Variants in MSRB3 observed in about 807,000 individuals in gnomAD.
The protein encoded by MSRB3 is methionine sulfoxide reductase B3, also known as methionine-R-sulfoxide reductase B3.
MSRB3 carries 13 observed loss-of-function variants against 21.0 expected under a neutral mutation model. The observed-to-expected ratio is 0.62, with a 90% CI of 0.40 to 0.98. The LOEUF (loss-of-function observed/expected upper bound fraction) is 0.98, where lower values mean the gene tolerates loss of function less well. Among genes scored for constraint, MSRB3 ranks in the 50% least tolerant of loss-of-function variants. The probability of loss-of-function intolerance (pLI) is 0.00; values close to 1 mark genes in which losing one functional copy is unlikely to be tolerated. For missense variants in MSRB3, 199 were observed against 230.3 expected, an observed-to-expected ratio of 0.86 and a Z score of 0.88; for synonymous variants, 87 against 88.6, an observed-to-expected ratio of 0.98 and a Z score of 0.10.
chr12:65,302,462 T>C (rs557060513), intron 1 of MSRB3, among the ~76,000 whole-genome samples: 2 of 152,326 alleles, frequency 1.3e-5, no homozygotes, highest in East Asian at 3.9e-4. Context: ...GCTAATGTTT[T>C]TTAACAGCAC....
intron 5 of MSRB3, among the ~76,000 whole-genome samples, chr12:65,399,107 A>G (rs545989514): frequency 6.6e-6 from 1 of 152,282 alleles, no homozygotes; most frequent in South Asian, 2.1e-4. Flanking sequence ...TTGGTTCCAT[A>G]TGAAACTTAA....
chr12:65,333,329 A>G (rs908132260), intron 4 of MSRB3, among the ~76,000 whole-genome samples: 1 of 152,220 alleles, frequency 6.6e-6, no homozygotes, highest in African/African-American at 2.4e-5. Flanking sequence ...TTTGTATGTA[A>G]TAGGAAGGAA....
At chr12:65,341,089 A>G (rs1876108464) in intron 4 of MSRB3, among the ~76,000 whole-genome samples, 1 of 152,150 alleles carries the variant, frequency 6.6e-6, no homozygotes, top group South Asian at 2.1e-4. Flanking sequence ...TATCTGATTT[A>G]TGAAAATAAA....
At chr12:65,394,043 A>G (rs1365354943) in intron 5 of MSRB3, among the ~76,000 whole-genome samples, 1 of 152,164 alleles carries the variant, frequency 6.6e-6, no homozygotes, top group African/African-American at 2.4e-5. Flanking sequence ...AGGAATATGT[A>G]GACTGGTGGA....
At chr12:65,419,596 G>T in intron 5 of MSRB3, 2 of 723,746 alleles carry the variant, frequency 2.8e-6, no homozygotes. Context: ...CACAGTATTT[G>T]TGAAGATATG....
intron 5 of MSRB3, among the ~76,000 whole-genome samples, chr12:65,435,634 G>A (rs934975796): frequency 6.6e-6 from 1 of 151,830 alleles, no homozygotes; most frequent in African/African-American, 2.4e-5. Context: ...CCAGATTCAG[G>A]TTATATTTTC....
chr12:65,443,508 T>TTTTCCACTG (rs1882478254), intron 5 of MSRB3, among the ~76,000 whole-genome samples: 1 of 152,180 alleles, frequency 6.6e-6, no homozygotes, highest in Non-Finnish European at 1.5e-5. Flanking sequence ...GACCCAGTGA[T>TTTTCCACTG]AGCCATATTC....
At chr12:65,407,167 T>C (rs538138790) in intron 5 of MSRB3, among the ~76,000 whole-genome samples, 2 of 152,310 alleles carry the variant, frequency 1.3e-5, no homozygotes, top group African/African-American at 4.8e-5. Context: ...ATTTATAGTC[T>C]ATTGACTTTT....
intron 4 of MSRB3, among the ~76,000 whole-genome samples, chr12:65,350,985 C>G (rs1196091560): frequency 3.3e-5 from 5 of 150,102 alleles, no homozygotes; most frequent in Admixed American, 2.0e-4. Context: ...ACAGAACTCT[C>G]CACCCCAAAT....
intron 1 of MSRB3, among the ~76,000 whole-genome samples, chr12:65,300,984 C>A (rs1205925276): frequency 6.6e-6 from 1 of 152,118 alleles, no homozygotes; most frequent in East Asian, 1.9e-4. Flanking sequence ...CTACCACGTG[C>A]CTGGAAAATG....
chr12:65,413,715 G>A (rs1378308789), intron 5 of MSRB3, among the ~76,000 whole-genome samples: 1 of 152,086 alleles, frequency 6.6e-6, no homozygotes, highest in Non-Finnish European at 1.5e-5. Context: ...GCAGGAGACA[G>A]GCAGACAATT....
Position 65,390,485 on chromosome 12 carries a change from A to T in MSRB3, c.292+21459A>T, listed in dbSNP as rs1879419480. ...TACTCATAGAAATGCAAATTGCATC[A>T]ACTATAAGAATATTTACTCAAAAAT... is the stretch of plus-strand genomic sequence containing the variant. On this transcript the variant is annotated intron_variant, in intron 5 of 6. Coordinates refer to ENST00000308259, the MANE Select transcript of MSRB3 (RefSeq NM_001031679.3). Among the ~76,000 whole-genome samples, 3 of 152,196 alleles carry T rather than the reference A, an allele frequency of 2.0e-5. No homozygotes were observed. In the South Asian group the frequency reaches 6.2e-4, roughly 31 times the overall value.
Position 65,465,895 on chromosome 12 carries a change from T to G in MSRB3, c.*2573T>G, listed in dbSNP as rs962024508. 6.6e-6 allele frequency: 1 copy of G among 152,252 alleles called. No homozygotes were observed. Among genetic ancestry groups the G allele is most frequent in the Non-Finnish European group, 1.5e-5 (1 of 68,126 alleles). The allele number at this position is 152,252 out of a possible 1,614,324, so 9.4% of individuals were successfully genotyped here. A position where few individuals can be genotyped will look rare whatever the true frequency, so the allele number is the denominator to read the frequency against. ...TGGGGTGGCCAAAGAAATAGGTCTCTCAGGGCTTTGCCACAGCCTCCAGCC... is the reference window on the plus strand; with the variant it reads ...TGGGGTGGCCAAAGAAATAGGTCTCGCAGGGCTTTGCCACAGCCTCCAGCC... On this transcript the variant is annotated 3_prime_UTR_variant, in exon 7 of 7. Transcript: ENST00000308259.
intron 5 of MSRB3, among the ~76,000 whole-genome samples, chr12:65,402,247 C>T (rs147288637): frequency 1.3e-5 from 2 of 152,284 alleles, no homozygotes; most frequent in East Asian, 3.9e-4. Flanking sequence ...TTCGGGTACA[C>T]CAGTCAAACG....
At chr12:65,290,995 C>A (rs537956641) in intron 1 of MSRB3, among the ~76,000 whole-genome samples, 2 of 152,248 alleles carry the variant, frequency 1.3e-5, no homozygotes, top group East Asian at 3.9e-4. Context: ...CAGAGATGTA[C>A]CACAACTTTG....
intron 5 of MSRB3, among the ~76,000 whole-genome samples, chr12:65,422,961 C>CTTTTTTT (rs141803317): frequency 3.2e-5 from 4 of 124,316 alleles, no homozygotes; most frequent in Non-Finnish European, 4.9e-5. Context: ...TTAGGGTTTT[C>CTTTTTTT]TTTTTTTTTT....
At chr12:65,462,821 C>T (rs1304460174) in intron 6 of MSRB3, among the ~76,000 whole-genome samples, 1 of 152,202 alleles carries the variant, frequency 6.6e-6, no homozygotes, top group Non-Finnish European at 1.5e-5. Context: ...TTTATGCTGC[C>T]ATGTTTCTTA....
intron 4 of MSRB3, among the ~76,000 whole-genome samples, chr12:65,340,810 C>T (rs1396751605): frequency 6.6e-6 from 1 of 151,586 alleles, no homozygotes; most frequent in Non-Finnish European, 1.5e-5. Flanking sequence ...TAACCCAATT[C>T]TAATAAATTA....
chr12:65,463,858 T>A lies in MSRB3; in HGVS notation c.*536T>A, dbSNP rs1212327576. 1 of 157,436 alleles carries A rather than the reference T, an allele frequency of 6.4e-6. No individual in the cohort carries two copies. Among genetic ancestry groups the A allele is most frequent in the Non-Finnish European group, 1.4e-5 (1 of 71,518 alleles). The allele number at this position is 157,436 out of a possible 1,614,324, so 9.8% of individuals were successfully genotyped here. A position where few individuals can be genotyped will look rare whatever the true frequency, so the allele number is the denominator to read the frequency against. ...TTTTTTTTTTCTCACTGAAAGGGTG[T>A]GAAGGTCTAAAGTCTTTCCTTATGT... On this transcript the variant is annotated 3_prime_UTR_variant, in exon 7 of 7. Coordinates refer to ENST00000308259, the MANE Select transcript of MSRB3 (RefSeq NM_001031679.3).
Sources: gnomAD v4.1 joint callset for allele counts (sites outside exome capture counted in the v4.1 genomes callset) on GRCh38, gnomAD v4.1.1 for gene constraint, MANE v1.5 for transcripts, NCBI Gene and HGNC (gene_info 2026-07-23, HGNC 2026-07-21) for gene names.